Variants in BAZ2B observed in about 807,000 individuals in gnomAD.
The protein encoded by BAZ2B is bromodomain adjacent to zinc finger domain 2B.
A neutral mutation model predicts 246.0 loss-of-function variants in BAZ2B; 91 were observed. That is an observed-to-expected ratio of 0.37 (90% CI 0.31 to 0.44). The LOEUF is 0.44. Among genes scored for constraint, BAZ2B ranks in the 20% least tolerant of loss-of-function variants. The probability of loss-of-function intolerance (pLI) is 1.00; values close to 1 mark genes in which losing one functional copy is unlikely to be tolerated. For missense variants in BAZ2B, 2,332 were observed against 2,533.7 expected, an observed-to-expected ratio of 0.92 and a Z score of 1.71; for synonymous variants, 855 against 860.0, an observed-to-expected ratio of 0.99 and a Z score of 0.10.
intron 3 of BAZ2B, chr2:159,458,543 T>C (rs540804133): frequency 6.6e-6 from 1 of 152,224 alleles, no homozygotes; most frequent in Non-Finnish European, 1.5e-5. Context: ...GCCAGGATGG[T>C]CTTGATCTCC....
At chr2:159,323,600 C>T (rs144622260) in intron 36 of BAZ2B, among the ~76,000 whole-genome samples, 3,719 of 151,788 alleles carry the variant, frequency 0.025, 159 homozygotes, top group African/African-American at 0.085. Flanking sequence ...GTCAGGAGTT[C>T]GAGACCAGCC....
In BAZ2B at chr2:159,389,494, G is replaced by T; in HGVS notation, c.3076-9C>A. 6.3e-7 allele frequency: 1 copy of T among 1,591,216 alleles called. No individual in the cohort carries two copies. On this transcript the variant is annotated splice_polypyrimidine_tract_variant and intron_variant, in intron 20 of 36. Coordinates refer to ENST00000392783, the MANE Select transcript of BAZ2B (RefSeq NM_013450.4). ...TTCAACCGCTCTTTTTCCTTAAAAA[G>T]AAAACCATGTACACATATTCTTCTT...
intron 14 of BAZ2B, 52 bp downstream of exon 14, chr2:159,412,283 T>G: frequency 6.5e-7 from 1 of 1,541,084 alleles, no homozygotes; most frequent in Non-Finnish European, 8.9e-7. Context: ...AGAAATACTT[T>G]TAGTATACTT....
chr2:159,656,255 C>T, the BAZ2B span, among the ~76,000 whole-genome samples: 1 of 152,108 alleles, frequency 6.6e-6, no homozygotes, highest in East Asian at 1.9e-4. Context: ...CCCATATAAA[C>T]CCTCAAATCT....
At position 159,377,841 on chromosome 2, in the gene BAZ2B, ACTACCTT is replaced by A. The variant is rs2061582850; in HGVS notation, c.4006-3095_4006-3089del. Among the ~76,000 whole-genome samples, 3 of 151,034 alleles carry A rather than the reference ACTACCTT, an allele frequency of 2.0e-5. No homozygotes were observed. In the East Asian group the frequency reaches 5.8e-4, roughly 29 times the overall value. Reference sequence around the variant, plus strand: ...AAAAAAAAAAAAAAAGAAGTGAAATACTACCTTAAATGACACATCTCCTTTAAAACTT... The same window carrying A: ...AAAAAAAAAAAAAAAGAAGTGAAATAAAATGACACATCTCCTTTAAAACTT... On this transcript the variant is annotated intron_variant, in intron 25 of 36. Coordinates refer to ENST00000392783, the MANE Select transcript of BAZ2B (RefSeq NM_013450.4).
intron 27 of BAZ2B, among the ~76,000 whole-genome samples, chr2:159,357,496 T>G (rs2059237674): frequency 6.6e-6 from 1 of 152,118 alleles, no homozygotes; most frequent in Admixed American, 6.5e-5. Context: ...CTATGTTTGA[T>G]TAGTGTACCT....
chr2:159,340,311 T>C (rs2066432372), intron 31 of BAZ2B, among the ~76,000 whole-genome samples: 1 of 151,914 alleles, frequency 6.6e-6, no homozygotes, highest in Non-Finnish European at 1.5e-5. Flanking sequence ...CAAACAAATA[T>C]TCCTGTGGGT....
At chr2:159,588,222 A>AAAC (rs1688499399) in intron 1 of BAZ2B, among the ~76,000 whole-genome samples, 1 of 151,672 alleles carries the variant, frequency 6.6e-6, no homozygotes, top group African/African-American at 2.4e-5. Flanking sequence ...ATCAAAAAAA[A>AAAC]AAAAAAAAAA....
chr2:159,372,978 G>A, intron 27 of BAZ2B, 67 bp downstream of exon 27: 1 of 1,467,608 alleles, frequency 6.8e-7, no homozygotes, highest in Non-Finnish European at 9.2e-7. Context: ...ATATATTGAA[G>A]AAGTAACAGA....
intron 13 of BAZ2B, among the ~76,000 whole-genome samples, chr2:159,420,499 A>G (rs1340588217): frequency 6.6e-6 from 1 of 152,180 alleles, no homozygotes; most frequent in Non-Finnish European, 1.5e-5. Context: ...TGGGCCTGGT[A>G]ACAGTAGATA....
intron 3 of BAZ2B, among the ~76,000 whole-genome samples, chr2:159,475,663 C>T (rs912212365): frequency 4.6e-5 from 7 of 152,160 alleles, no homozygotes; most frequent in South Asian, 2.1e-4. Flanking sequence ...AGCCCTTTTG[C>T]GCTGGTTTTT....
the BAZ2B span, among the ~76,000 whole-genome samples, chr2:159,652,485 CAGGCGTGAG>C: frequency 6.6e-6 from 1 of 152,142 alleles, no homozygotes; most frequent in Non-Finnish European, 1.5e-5. Flanking sequence ...GCTGAGATTA[CAGGCGTGAG>C]CCACCGCGCC....
intron 2 of BAZ2B, among the ~76,000 whole-genome samples, chr2:159,479,252 C>T (rs1245900597): frequency 1.3e-5 from 2 of 152,090 alleles, no homozygotes; most frequent in Non-Finnish European, 2.9e-5. Context: ...TAACTTGAGG[C>T]AAGTTTAAAC....
At chr2:159,384,065 C>T (rs1000289145) in intron 23 of BAZ2B, among the ~76,000 whole-genome samples, 7 of 151,960 alleles carry the variant, frequency 4.6e-5, no homozygotes, top group Non-Finnish European at 1.0e-4. Context: ...CATAAGTGCA[C>T]ATACATACAT....
At chr2:159,565,123 G>A (rs2090246160) in intron 1 of BAZ2B, among the ~76,000 whole-genome samples, 1 of 152,138 alleles carries the variant, frequency 6.6e-6, no homozygotes, top group African/African-American at 2.4e-5. Flanking sequence ...CGCCTGCCTT[G>A]GCCTCCCAAA....
In BAZ2B at chr2:159,505,537, T is replaced by C. The variant is rs190767724; in HGVS notation, c.-2-26816A>G. 7.2e-5 allele frequency among the ~76,000 whole-genome samples: 11 copies of C among 152,212 alleles called. No individual in the cohort carries two copies. In the East Asian group the frequency reaches 2.1e-3, roughly 29 times the overall value. On this transcript the variant is annotated intron_variant, in intron 2 of 36. Coordinates refer to ENST00000392783, the MANE Select transcript of BAZ2B (RefSeq NM_013450.4). ...GTCAATTTTGAAGTTCAAATGAAAA[T>C]AATAACTAACATTCACTGTCTTGTT...
intron 8 of BAZ2B, among the ~76,000 whole-genome samples, chr2:159,437,087 T>C (rs2072497609): frequency 6.6e-6 from 1 of 152,208 alleles, no homozygotes; most frequent in Non-Finnish European, 1.5e-5. Flanking sequence ...AGTTAACGTA[T>C]GTTCAGCAAT....
intron 2 of BAZ2B, among the ~76,000 whole-genome samples, chr2:159,511,491 G>C (rs954740913): frequency 6.6e-6 from 1 of 152,054 alleles, no homozygotes; most frequent in Non-Finnish European, 1.5e-5. Flanking sequence ...CAGGCGTGAG[G>C]TGTCGCGCCC....
At chr2:159,659,353 T>C in the BAZ2B span, among the ~76,000 whole-genome samples, 2 of 152,196 alleles carry the variant, frequency 1.3e-5, no homozygotes, top group Admixed American at 6.6e-5. Flanking sequence ...TTGAGCCAAA[T>C]ATTTAGTGTC....
Sources: gnomAD v4.1 joint callset for allele counts (sites outside exome capture counted in the v4.1 genomes callset) on GRCh38, gnomAD v4.1.1 for gene constraint, MANE v1.5 for transcripts, NCBI Gene and HGNC (gene_info 2026-07-23, HGNC 2026-07-21) for gene names.